Variants in IL1RAP observed in about 807,000 individuals in gnomAD.
The protein encoded by IL1RAP is interleukin 1 receptor accessory protein, also known as interleukin-1 receptor accessory protein.
Under a neutral mutation model 60.7 loss-of-function variants are expected in IL1RAP, and 35 were observed. The ratio of observed to expected loss-of-function variants is 0.58; its 90% CI spans 0.44 to 0.76. The LOEUF (loss-of-function observed/expected upper bound fraction) is 0.76, where lower values mean the gene tolerates loss of function less well. Among genes scored for constraint, IL1RAP ranks in the 30% least tolerant of loss-of-function variants. The pLI is 0.00. For missense variants in IL1RAP, 572 were observed against 693.9 expected, an observed-to-expected ratio of 0.82 and a Z score of 1.97; for synonymous variants, 268 against 250.9, an observed-to-expected ratio of 1.07 and a Z score of -0.64.
chr3:190,527,826 T>TACAC (rs10602405), intron 1 of IL1RAP, among the ~76,000 whole-genome samples: 5,075 of 139,616 alleles, frequency 0.036, 179 homozygotes, highest in African/African-American at 0.095. Flanking sequence ...AGGAAAGGTC[T>TACAC]ACACACACAC....
intron 4 of IL1RAP, among the ~76,000 whole-genome samples, chr3:190,606,375 G>A (rs1032230894): frequency 1.3e-5 from 2 of 152,174 alleles, no homozygotes; most frequent in African/African-American, 2.4e-5. Context: ...TGGTATCTAC[G>A]TCCACATAGG....
At chr3:190,589,821 TG>T (rs1728792825) in intron 3 of IL1RAP, among the ~76,000 whole-genome samples, 1 of 152,200 alleles carries the variant, frequency 6.6e-6, no homozygotes, top group Non-Finnish European at 1.5e-5. Context: ...AAATACATGA[TG>T]GGCTTTAAAT....
rs774016242 is a variant in IL1RAP at position 190,648,700 on chromosome 3, G to A, written c.1708G>A (p.Val570Ile). 6.2e-7 allele frequency: 1 copy of A among 1,607,564 alleles called. No homozygotes were observed. The highest frequency in any genetic ancestry group is 1.3e-5 in the African/African-American group (1 of 74,542). ...QGLSYSSLKN[V>I] ...CCTCTCGTATTCATCTTTGAAAAAT[G>A]TATGAAAGGAATAATGAAAAGGGTA... The change falls in exon 12 of 12, where the codon GTA becomes ATA. Residue 570 changes from valine (V) to isoleucine (I), a missense_variant. Physicochemically the swap from Val to Ile is conservative, Grantham distance 29. Coordinates refer to ENST00000447382, the MANE Select transcript of IL1RAP (RefSeq NM_002182.4).
chr3:190,549,859 C>CT lies in IL1RAP; in HGVS notation c.-88-6265dup, dbSNP rs1724710110. 2.0e-5 allele frequency among the ~76,000 whole-genome samples: 3 copies of CT among 152,110 alleles called. No homozygotes were observed. In the South Asian group the frequency reaches 6.2e-4, roughly 31 times the overall value. On this transcript the variant is annotated intron_variant, in intron 1 of 11. Transcript: ENST00000447382. ...GGAGGAGAAAGGAAAAAATAAGCTG[C>CT]TTTTTTCAAAGGAGTTCCAGGGGTT...
At chr3:190,636,288 T>A (rs564402510) in intron 9 of IL1RAP, among the ~76,000 whole-genome samples, 1 of 152,338 alleles carries the variant, frequency 6.6e-6, no homozygotes, top group African/African-American at 2.4e-5. Flanking sequence ...TGTTATTCAG[T>A]TATTAAAAGA....
chr3:190,574,070 A>G (rs1038978994), intron 3 of IL1RAP, among the ~76,000 whole-genome samples: 2 of 152,186 alleles, frequency 1.3e-5, no homozygotes, highest in Non-Finnish European at 2.9e-5. Context: ...TTTAAAATAC[A>G]CCATGCTGCC....
intron 1 of IL1RAP, among the ~76,000 whole-genome samples, chr3:190,536,906 T>TG (rs2108551412): frequency 6.6e-6 from 1 of 152,198 alleles, no homozygotes; most frequent in Non-Finnish European, 1.5e-5. Flanking sequence ...CAGTTATATG[T>TG]GAAAAAATGA....
At chr3:190,637,651 T>G (rs1270968248) in intron 9 of IL1RAP, among the ~76,000 whole-genome samples, 1 of 152,114 alleles carries the variant, frequency 6.6e-6, no homozygotes, top group East Asian at 1.9e-4. Context: ...ATAATTCAAG[T>G]GTACCATTTG....
chr3:190,547,962 C>A (rs933214712), intron 1 of IL1RAP, among the ~76,000 whole-genome samples: 1 of 152,120 alleles, frequency 6.6e-6, no homozygotes, highest in Non-Finnish European at 1.5e-5. Flanking sequence ...GGCTTCTGGG[C>A]ACCTGAACAG....
chr3:190,588,514 C>T (rs1192863762), intron 3 of IL1RAP, among the ~76,000 whole-genome samples: 1 of 152,206 alleles, frequency 6.6e-6, no homozygotes. Flanking sequence ...GTGTCTTGGA[C>T]TTGACAGTGT....
intron 9 of IL1RAP, among the ~76,000 whole-genome samples, chr3:190,636,250 A>G (rs2108836999): frequency 6.6e-6 from 1 of 152,340 alleles, no homozygotes; most frequent in Non-Finnish European, 1.5e-5. Context: ...CATGTCTTCA[A>G]TATCCTTCTG....
At chr3:190,605,360 AAAAC>A (rs751771200) in intron 4 of IL1RAP, among the ~76,000 whole-genome samples, 6 of 152,182 alleles carry the variant, frequency 3.9e-5, no homozygotes, top group Non-Finnish European at 8.8e-5. Flanking sequence ...AAAACAAAAC[AAAAC>A]AAACAACTTC....
chr3:190,556,024 A>G (rs949736599), intron 1 of IL1RAP, 106 bp from the exon 2 acceptor site: 3 of 151,832 alleles, frequency 2.0e-5, no homozygotes, highest in Non-Finnish European at 4.4e-5. Context: ...CTGTTGTCTT[A>G]AATACGCTTT....
chr3:190,619,530 G>C (rs1176058735), intron 5 of IL1RAP, among the ~76,000 whole-genome samples: 1 of 152,050 alleles, frequency 6.6e-6, no homozygotes, highest in East Asian at 1.9e-4. Flanking sequence ...TTCAAGACCA[G>C]CCTGGACAGG....
intron 1 of IL1RAP, among the ~76,000 whole-genome samples, chr3:190,545,302 C>G (rs1362186960): frequency 6.6e-6 from 1 of 152,138 alleles, no homozygotes; most frequent in Non-Finnish European, 1.5e-5. Flanking sequence ...AGTTGAAGTA[C>G]CCTGCTGTAA....
chr3:190,576,698 T>C (rs933766517), intron 3 of IL1RAP, among the ~76,000 whole-genome samples: 1 of 152,132 alleles, frequency 6.6e-6, no homozygotes, highest in Non-Finnish European at 1.5e-5. Context: ...CCTGGGCTAT[T>C]TGTTTCAAAG....
intron 9 of IL1RAP, among the ~76,000 whole-genome samples, chr3:190,631,830 T>TGAG (rs1732813233): frequency 6.6e-6 from 1 of 152,206 alleles, no homozygotes; most frequent in Non-Finnish European, 1.5e-5. Context: ...GACACAGTTT[T>TGAG]ACTCTTGTCA....
At position 190,650,678 on chromosome 3, in the gene IL1RAP, A is replaced by G. The variant is rs1734340668; in HGVS notation, c.*1973A>G. 2 of 954,380 alleles carry G rather than the reference A, an allele frequency of 2.1e-6. No individual in the cohort carries two copies. The highest frequency in any genetic ancestry group is 2.5e-6 in the Non-Finnish European group (2 of 801,852). The allele number at this position is 954,380 out of a possible 1,614,324, so 59.1% of individuals were successfully genotyped here. On this transcript the variant is annotated 3_prime_UTR_variant, in exon 12 of 12. Coordinates refer to ENST00000447382, the MANE Select transcript of IL1RAP (RefSeq NM_002182.4). The stretch of plus-strand genomic sequence containing the variant: ...AAAAAAGTTTCACTTGGATGAAAAA[A>G]GTAGAAAAGTAGGTCATTCTTGGAT...
At chr3:190,559,580 T>A (rs1725712716) in intron 2 of IL1RAP, among the ~76,000 whole-genome samples, 1 of 152,182 alleles carries the variant, frequency 6.6e-6, no homozygotes, top group Non-Finnish European at 1.5e-5. Flanking sequence ...TTTATTTTAT[T>A]TTTGTCAAGT....
Sources: allele counts gnomAD v4.1 joint callset (sites outside exome capture counted in the v4.1 genomes callset), GRCh38; gene constraint gnomAD v4.1.1; transcripts MANE v1.5; gene names NCBI Gene and HGNC (gene_info 2026-07-23, HGNC 2026-07-21).